PPP3CC: variants seen among roughly 807,000 people sequenced by gnomAD.
PPP3CC encodes serine/threonine-protein phosphatase 2B catalytic subunit gamma isoform.
A neutral mutation model predicts 60.3 loss-of-function variants in PPP3CC; 35 were observed. That is an observed-to-expected ratio of 0.58 (90% CI 0.44 to 0.77). The LOEUF is 0.77. Ranked by LOEUF, PPP3CC falls within the 30% of genes least tolerant of loss-of-function variation. PPP3CC has a pLI of 0.00. For synonymous variants in PPP3CC, 206 were observed against 224.3 expected (o/e 0.92, Z 0.73); for missense variants, 570 against 628.9 (o/e 0.91, Z 1.00).
At chr8:22,512,589 A>C (rs1839119008) in intron 5 of PPP3CC, among the ~76,000 whole-genome samples, 1 of 152,218 alleles carries the variant, frequency 6.6e-6, no homozygotes, top group Admixed American at 6.5e-5. Context: ...AACCATTGTA[A>C]AACATTTCTG....
intron 2 of PPP3CC, 34 bp from the exon 3 acceptor site, chr8:22,475,466 A>G: frequency 1.3e-6 from 2 of 1,589,792 alleles, no homozygotes; most frequent in Admixed American, 1.8e-5. Flanking sequence ...TCTAAGGTAT[A>G]ATTTCTCACA....
Position 22,479,555 on chromosome 8 carries a change from C to T in PPP3CC, c.372+3931C>T, listed in dbSNP as rs577527961. ...CTGAGAAGAAAAAAGACCAGCCTGG[C>T]GAACATGGTGAAACCTCGTCTGTAC... is the stretch of plus-strand genomic sequence containing the variant. On this transcript the variant is annotated intron_variant, in intron 3 of 13. Coordinates refer to ENST00000240139, the MANE Select transcript of PPP3CC (RefSeq NM_005605.5). Among the ~76,000 whole-genome samples, 11 of 151,736 alleles carry T rather than the reference C, an allele frequency of 7.2e-5. No homozygotes were observed. In the East Asian group the frequency reaches 1.5e-3, roughly 21 times the overall value.
At chr8:22,511,737 TA>T (rs1458638034) in intron 5 of PPP3CC, among the ~76,000 whole-genome samples, 6 of 152,236 alleles carry the variant, frequency 3.9e-5, no homozygotes, top group Non-Finnish European at 7.3e-5. Context: ...TAATGAGCTC[TA>T]TGTTTTTACC....
intron 1 of PPP3CC, among the ~76,000 whole-genome samples, chr8:22,457,192 T>C (rs569675142): frequency 2.6e-5 from 4 of 150,982 alleles, no homozygotes; most frequent in Non-Finnish European, 5.9e-5. Flanking sequence ...TCTGAAATTT[T>C]CTCCTTTCTT....
rs143296088 is a variant in PPP3CC at position 22,487,479 on chromosome 8, A to G, written c.373-10522A>G. ...TCTCTACTAAAAATACAACAAATTAACCAGGCGTGGTGGCGTGTGCTTGTA... is the reference window on the plus strand; with the variant it reads ...TCTCTACTAAAAATACAACAAATTAGCCAGGCGTGGTGGCGTGTGCTTGTA... On this transcript the variant is annotated intron_variant, in intron 3 of 13. Transcript: ENST00000240139. 2.8e-3 allele frequency among the ~76,000 whole-genome samples: 421 copies of G among 152,028 alleles called. 1 individual carries two copies. Among genetic ancestry groups the G allele is most frequent in the African/African-American group, 9.5e-3 (393 of 41,490 alleles).
At chr8:22,537,990 T>C (rs1839880549) in intron 12 of PPP3CC, among the ~76,000 whole-genome samples, 1 of 152,224 alleles carries the variant, frequency 6.6e-6, no homozygotes, top group African/African-American at 2.4e-5. Flanking sequence ...TGGTGATGGT[T>C]GCACAGCTCT....
At chr8:22,533,920 CG>C (rs1353227793) in intron 12 of PPP3CC, among the ~76,000 whole-genome samples, 6 of 151,872 alleles carry the variant, frequency 4.0e-5, no homozygotes, top group Non-Finnish European at 7.4e-5. Context: ...CACTGAGGGC[CG>C]GGAGCGGTGG....
intron 4 of PPP3CC, among the ~76,000 whole-genome samples, chr8:22,504,503 A>G (rs1254850530): frequency 2.6e-5 from 4 of 152,034 alleles, no homozygotes; most frequent in South Asian, 2.1e-4. Flanking sequence ...AGTCTCGCCT[A>G]TGTTGCCAAG....
chr8:22,512,550 T>TC (rs2117094231), intron 5 of PPP3CC, among the ~76,000 whole-genome samples: 1 of 152,334 alleles, frequency 6.6e-6, no homozygotes, highest in African/African-American at 2.4e-5. Context: ...TAAAGAAATC[T>TC]CCACTGGAAT....
intron 8 of PPP3CC, among the ~76,000 whole-genome samples, chr8:22,525,710 G>A (rs1225355188): frequency 1.3e-5 from 2 of 151,252 alleles, no homozygotes; most frequent in African/African-American, 2.4e-5. Flanking sequence ...GGTGCATGCC[G>A]CTACACCTGG....
Position 22,527,524 on chromosome 8 carries a change from G to A in PPP3CC, c.1069+7G>A. On this transcript the variant is annotated splice_region_variant and intron_variant, in intron 9 of 13. Coordinates refer to ENST00000240139, the MANE Select transcript of PPP3CC (RefSeq NM_005605.5). ...CCTTTTGTTGGGGAAAAAGGTAAGA[G>A]AACTAAAGCACATGTCTCATCAGTT... The A allele has an allele frequency of 6.2e-7, 1 of 1,613,318 alleles. No individual in the cohort carries two copies. The highest frequency in any genetic ancestry group is 1.1e-5 in the South Asian group (1 of 91,060).
In PPP3CC at chr8:22,540,663, C is replaced by T. The variant is rs373005127; in HGVS notation, c.1400C>T (p.Ala467Val). Residue 467 changes from alanine (A) to valine (V), a missense_variant, in exon 14 of 14, where the codon GCG (alanine) becomes GTG (valine). By Grantham distance (64) the Ala-to-Val change is moderately conservative. Coordinates refer to ENST00000240139, the MANE Select transcript of PPP3CC (RefSeq NM_005605.5). ...LQHKIRSFEE[A>V]RGLDRINERM... is the part of the protein sequence containing the mutation. ...CACAAGATCCGGAGTTTTGAAGAAG[C>T]GCGAGGTCTGGACCGAATTAATGAG... 8 of 1,613,810 alleles carry T rather than the reference C, an allele frequency of 5.0e-6. No individual in the cohort carries two copies. The highest frequency in any genetic ancestry group is 2.7e-5 in the African/African-American group (2 of 74,894).
At chr8:22,467,248 A>G (rs142057419) in intron 1 of PPP3CC, among the ~76,000 whole-genome samples, 73 of 152,286 alleles carry the variant, frequency 4.8e-4, no homozygotes, top group African/African-American at 1.7e-3. Flanking sequence ...GCATTGAGAT[A>G]TTTGCCATCA....
At chr8:22,484,869 A>G (rs143167191) in intron 3 of PPP3CC, among the ~76,000 whole-genome samples, 53 of 152,314 alleles carry the variant, frequency 3.5e-4, no homozygotes, top group African/African-American at 1.3e-3. Flanking sequence ...GAAAGAGTTT[A>G]GAAAAAGATA....
At chr8:22,512,242 C>T (rs2117093520) in intron 5 of PPP3CC, among the ~76,000 whole-genome samples, 1 of 152,266 alleles carries the variant, frequency 6.6e-6, no homozygotes, top group South Asian at 2.1e-4. Context: ...GAGGGTGTAC[C>T]TATATGTACT....
intron 1 of PPP3CC, among the ~76,000 whole-genome samples, chr8:22,470,069 C>G (rs866753856): frequency 6.6e-6 from 1 of 151,010 alleles, no homozygotes; most frequent in Non-Finnish European, 1.5e-5. Context: ...TACACACACA[C>G]ACACACACAC....
rs539567187 is a variant in PPP3CC at position 22,488,996 on chromosome 8, A to G, written c.373-9005A>G. ...CAGGCCTAGTAAACCATGTCAGTGCATTTGGGTTTTATTCTGAATGTGCTA... is the reference window on the plus strand; with the variant it reads ...CAGGCCTAGTAAACCATGTCAGTGCGTTTGGGTTTTATTCTGAATGTGCTA... On this transcript the variant is annotated intron_variant, in intron 3 of 13. Coordinates refer to ENST00000240139, the MANE Select transcript of PPP3CC (RefSeq NM_005605.5). Among the ~76,000 whole-genome samples, 7 of 152,152 alleles carry G rather than the reference A, an allele frequency of 4.6e-5. No homozygotes were observed. In the East Asian group the frequency reaches 1.2e-3, roughly 25 times the overall value.
In PPP3CC at chr8:22,490,409, C is replaced by T. The variant is rs139985793; in HGVS notation, c.373-7592C>T. 4.4e-3 allele frequency among the ~76,000 whole-genome samples: 675 copies of T among 152,102 alleles called. 6 individuals carry two copies. The highest frequency in any genetic ancestry group is 0.016 in the African/African-American group (653 of 41,512). On this transcript the variant is annotated intron_variant, in intron 3 of 13. Coordinates refer to ENST00000240139, the MANE Select transcript of PPP3CC (RefSeq NM_005605.5). ...TACTTTGAGAACCACTGTTGTAGTG[C>T]TATTTATACTGTTGACTTTTTTCAC...
chr8:22,443,953 C>T (rs1276880626), intron 1 of PPP3CC, among the ~76,000 whole-genome samples: 1 of 152,182 alleles, frequency 6.6e-6, no homozygotes, highest in African/African-American at 2.4e-5. Flanking sequence ...AGAGGTGATA[C>T]CACACCCCAG....
Sources: allele counts gnomAD v4.1 joint callset (sites outside exome capture counted in the v4.1 genomes callset), GRCh38; gene constraint gnomAD v4.1.1; transcripts MANE v1.5; gene names NCBI Gene and HGNC (gene_info 2026-07-23, HGNC 2026-07-21).